Variants in ANKHD1 observed in about 807,000 individuals in gnomAD.
The protein encoded by ANKHD1 is ankyrin repeat and KH domain-containing protein 1.
In ANKHD1, 31 loss-of-function variants were observed where a neutral mutation model predicts 230.5. The observed-to-expected ratio is 0.13, with a 90% confidence interval of 0.10 to 0.18. The LOEUF is 0.18. Among genes scored for constraint, ANKHD1 ranks in the 10% least tolerant of loss-of-function variants. The pLI is 1.00. For synonymous variants in ANKHD1, 1,074 were observed against 1,117.6 expected, an observed-to-expected ratio of 0.96 and a Z score of 0.78; for missense variants, 2,256 against 3,071.3, an observed-to-expected ratio of 0.73 and a Z score of 6.27.
chr5:140,519,123 G>A (rs1037180101), intron 24 of ANKHD1, among the ~76,000 whole-genome samples: 20 of 152,084 alleles, frequency 1.3e-4, no homozygotes, highest in Non-Finnish European at 2.2e-4. Flanking sequence ...AAAATCACAA[G>A]CATTCTTATA....
chr5:140,428,383 C>T (rs1323044594), intron 1 of ANKHD1, among the ~76,000 whole-genome samples: 26 of 151,784 alleles, frequency 1.7e-4, no homozygotes, highest in Non-Finnish European at 2.7e-4. Flanking sequence ...TCTGCAATCC[C>T]GGCACCTCGG....
intron 7 of ANKHD1, among the ~76,000 whole-genome samples, chr5:140,450,841 A>G (rs1205988886): frequency 6.6e-6 from 1 of 152,058 alleles, no homozygotes; most frequent in African/African-American, 2.4e-5. Flanking sequence ...ATATGTTAGC[A>G]GAATCTATCA....
intron 24 of ANKHD1, among the ~76,000 whole-genome samples, chr5:140,519,596 CAG>C (rs1274681375): frequency 2.6e-5 from 4 of 152,272 alleles, no homozygotes; most frequent in African/African-American, 9.6e-5. Flanking sequence ...ATCAATGGAA[CAG>C]AACAGAGCCC....
chr5:140,474,626 TCACTTTGTCG>T (rs2127002002), intron 10 of ANKHD1, among the ~76,000 whole-genome samples: 1 of 145,224 alleles, frequency 6.9e-6, no homozygotes, highest in East Asian at 2.0e-4. Context: ...GGAGATGGTC[TCACTTTGTCG>T]CTCAGGCTAG....
chr5:140,529,335 C>T lies in ANKHD1; in HGVS notation c.6389C>T (p.Ala2130Val). ...AATTTACCTCAGTTAGCTGTACCAG[C>T]ACCTCGAGTTTCTCATCGAATGCAG... ...TSNLPQLAVP[A>V]PRVSHRMQPR... The change falls in exon 29 of 34, where the codon GCA becomes GTA. Residue 2130 changes from alanine to valine, a missense_variant. By Grantham distance (64) the Ala-to-Val change is moderately conservative. Transcript: ENST00000360839. 6.8e-6 allele frequency: 11 copies of T among 1,614,228 alleles called. No homozygotes were observed. Among genetic ancestry groups the T allele is most frequent in the Non-Finnish European group, 9.3e-6 (11 of 1,180,044 alleles).
chr5:140,500,537 A>G (rs1414250308), intron 15 of ANKHD1, among the ~76,000 whole-genome samples: 2 of 151,028 alleles, frequency 1.3e-5, no homozygotes, highest in Non-Finnish European at 2.9e-5. Context: ...AATCCCAGCT[A>G]CTTGGGGGGC....
At position 140,401,961 on chromosome 5, in the gene ANKHD1, G is replaced by C. The variant is rs1413092299; in HGVS notation, c.-7G>C. On this transcript the variant is annotated 5_prime_UTR_variant, in exon 1 of 34. Coordinates refer to ENST00000360839, the MANE Select transcript of ANKHD1 (RefSeq NM_017747.3). ...GTCGGCACCGTCTCCGGCTCCGGGTGCGAACAATGCTGACTGATAGCGGAG... is the reference window on the plus strand; with the variant it reads ...GTCGGCACCGTCTCCGGCTCCGGGTCCGAACAATGCTGACTGATAGCGGAG... 1.3e-6 allele frequency: 2 copies of C among 1,565,906 alleles called. No individual in the cohort carries two copies. Among genetic ancestry groups the C allele is most frequent in the Non-Finnish European group, 1.7e-6 (2 of 1,160,696 alleles).
intron 9 of ANKHD1, 73 bp downstream of exon 9, chr5:140,459,428 A>T: frequency 7.0e-7 from 1 of 1,434,142 alleles, no homozygotes. Flanking sequence ...GAATCTAAAA[A>T]CGTTGAGCTC....
chr5:140,474,488 T>TAAATA (rs1214972927), intron 10 of ANKHD1, among the ~76,000 whole-genome samples: 1 of 152,066 alleles, frequency 6.6e-6, no homozygotes, highest in African/African-American at 2.4e-5. Flanking sequence ...TAACTTATTT[T>TAAATA]AAATAAAATA....
chr5:140,489,440 T>C (rs1202970893), intron 14 of ANKHD1, among the ~76,000 whole-genome samples: 1 of 151,688 alleles, frequency 6.6e-6, no homozygotes, highest in East Asian at 1.9e-4. Flanking sequence ...CAGTGAGCTA[T>C]GATTGTACCA....
chr5:140,535,892 TAAA>T (rs66796784), intron 30 of ANKHD1: 18 of 104,774 alleles, frequency 1.7e-4, no homozygotes, highest in East Asian at 2.8e-4. Context: ...CTGTCTCTAT[TAAA>T]AAAAAAAAAA....
intron 5 of ANKHD1, among the ~76,000 whole-genome samples, chr5:140,444,156 G>A (rs1190778949): frequency 7.4e-6 from 1 of 135,896 alleles, no homozygotes; most frequent in Admixed American, 8.3e-5. Flanking sequence ...ATACCATGCA[G>A]TAAGCACATG....
intron 9 of ANKHD1, among the ~76,000 whole-genome samples, chr5:140,460,247 T>G (rs1437831038): frequency 6.6e-6 from 1 of 152,118 alleles, no homozygotes; most frequent in East Asian, 1.9e-4. Context: ...TTACATAGAA[T>G]ATTTGTAGTT....
At chr5:140,493,551 GA>G (rs1217263892) in intron 14 of ANKHD1, among the ~76,000 whole-genome samples, 1 of 152,130 alleles carries the variant, frequency 6.6e-6, no homozygotes, top group African/African-American at 2.4e-5. Context: ...TCTCTACCCA[GA>G]AACTGTAGAT....
intron 2 of ANKHD1, among the ~76,000 whole-genome samples, chr5:140,438,229 T>C (rs1773598837): frequency 6.6e-6 from 1 of 152,192 alleles, no homozygotes; most frequent in African/African-American, 2.4e-5. Flanking sequence ...CAAATTAATA[T>C]TATGTGCATT....
At chr5:140,456,145 A>G (rs1018544836) in intron 7 of ANKHD1, among the ~76,000 whole-genome samples, 2 of 152,074 alleles carry the variant, frequency 1.3e-5, no homozygotes, top group Non-Finnish European at 2.9e-5. Flanking sequence ...TAGGAATCCA[A>G]CTTACAAGGG....
At position 140,537,564 on chromosome 5, in the gene ANKHD1, G is replaced by C; in HGVS notation, c.7203G>C (p.Trp2401Cys). The C allele has an allele frequency of 6.3e-7, 1 of 1,595,084 alleles. No individual in the cohort carries two copies. Among genetic ancestry groups the C allele is most frequent in the Non-Finnish European group, 8.5e-7 (1 of 1,170,472 alleles). ...FVAPVGHSGI[W>C]SFGVNAVSEG... is the part of the protein sequence containing the mutation. ...CTCCCGTTGGACACAGTGGAATCTGGTCATTTGGTGTCAATGCTGTGTCAG... is the reference window on the plus strand; with the variant it reads ...CTCCCGTTGGACACAGTGGAATCTGCTCATTTGGTGTCAATGCTGTGTCAG... The change falls in exon 31 of 34, where the codon TGG becomes TGC. Residue 2401 changes from tryptophan to cysteine, a missense_variant. This residue lies in a region of ANKHD1 where 778 missense variants were observed against 966.5 expected (regional missense o/e 0.80). Coordinates refer to ENST00000360839, the MANE Select transcript of ANKHD1 (RefSeq NM_017747.3).
chr5:140,539,429 C>CTT lies in ANKHD1; in HGVS notation c.*13_*14dup. The stretch of plus-strand genomic sequence containing the variant: ...AAATATGTCAACTAAGTTAGAAGGT[C>CTT]TTTACTCTTTAGCCTTGTTTAAGAA... On this transcript the variant is annotated 3_prime_UTR_variant, in exon 34 of 34. Transcript: ENST00000360839. 6.2e-7 allele frequency: 1 copy of CTT among 1,612,846 alleles called. No individual in the cohort carries two copies. The highest frequency in any genetic ancestry group is 1.1e-5 in the South Asian group (1 of 90,896).
chr5:140,447,642 C>A lies in ANKHD1; in HGVS notation c.1148-1569C>A, dbSNP rs1054037271. Among the ~76,000 whole-genome samples, 3 of 152,162 alleles carry A rather than the reference C, an allele frequency of 2.0e-5. No homozygotes were observed. In the South Asian group the frequency reaches 6.2e-4, roughly 32 times the overall value. On this transcript the variant is annotated intron_variant, in intron 6 of 33. Transcript: ENST00000360839. Reference sequence around the variant, plus strand: ...GCAAGAGAGAAATTCAAAGGTAAGCCGTTTAGGGCTAGTATGGCAGTTCCA... The same window carrying A: ...GCAAGAGAGAAATTCAAAGGTAAGCAGTTTAGGGCTAGTATGGCAGTTCCA...
Sources: allele counts gnomAD v4.1 joint callset (sites outside exome capture counted in the v4.1 genomes callset), GRCh38; gene constraint gnomAD v4.1.1; regional missense constraint gnomAD v4.1.1; transcripts MANE v1.5; gene names NCBI Gene and HGNC (gene_info 2026-07-23, HGNC 2026-07-21).